The following GOPC variants were observed in gnomAD, a reference collection of about 807,000 sequenced individuals.
The protein encoded by GOPC is golgi associated PDZ and coiled-coil motif containing.
Under a neutral mutation model 51.2 loss-of-function variants are expected in GOPC, and 32 were observed. That is an observed-to-expected ratio of 0.63 (90% CI 0.47 to 0.84). The LOEUF (loss-of-function observed/expected upper bound fraction) is 0.84. Among genes scored for constraint, GOPC ranks in the 40% least tolerant of loss-of-function variants. The probability of loss-of-function intolerance (pLI) is 0.00; values close to 1 mark genes in which losing one functional copy is unlikely to be tolerated. For missense variants in GOPC, 441 were observed against 555.5 expected (o/e 0.79, Z 2.07); for synonymous variants, 190 against 205.1 (o/e 0.93, Z 0.63).
Position 117,600,463 on chromosome 6 carries a change from A to G in GOPC, c.285+1541T>C, listed in dbSNP as rs548859404. ...CACGAAATTTGGGGGACACATTCGA[A>G]TTATACCATGTGGTAAAGGCTACTC... On this transcript the variant is annotated intron_variant, in intron 1 of 8. Coordinates refer to ENST00000368498, the MANE Select transcript of GOPC (RefSeq NM_020399.4). Among the ~76,000 whole-genome samples the G allele has an allele frequency of 2.0e-5, 3 of 152,312 alleles. No individual in the cohort carries two copies. In the South Asian group the frequency reaches 6.2e-4, roughly 32 times the overall value.
chr6:117,563,626 G>A (rs1410279419), intron 8 of GOPC, among the ~76,000 whole-genome samples: 1 of 151,996 alleles, frequency 6.6e-6, no homozygotes, highest in Non-Finnish European at 1.5e-5. Flanking sequence ...GGAGACTGAG[G>A]AAGGAGAATC....
intron 5 of GOPC, 78 bp downstream of exon 5, chr6:117,573,389 A>C: frequency 6.8e-7 from 1 of 1,473,146 alleles, no homozygotes; most frequent in Non-Finnish European, 9.2e-7. Context: ...TACTAGAATA[A>C]AGGAAAGAAT....
At chr6:117,569,804 A>T in intron 6 of GOPC, 68 bp from the exon 7 acceptor site, 7 of 1,430,546 alleles carry the variant, frequency 4.9e-6, no homozygotes, top group Non-Finnish European at 6.5e-6. Flanking sequence ...TAATCTAGAG[A>T]TAAAATATTT....
chr6:117,598,071 T>C (rs949754338), intron 1 of GOPC, among the ~76,000 whole-genome samples: 7 of 151,758 alleles, frequency 4.6e-5, no homozygotes, highest in Non-Finnish European at 1.0e-4. Flanking sequence ...GCTAAAAAAA[T>C]TGATTTACCA....
chr6:117,579,209 A>G, intron 1 of GOPC, 145 bp from the exon 2 acceptor site: 1 of 641,558 alleles, frequency 1.6e-6, no homozygotes, highest in South Asian at 2.6e-5. Flanking sequence ...GATACAAGAC[A>G]TCCATCTAAA....
Position 117,602,300 on chromosome 6 carries a change from G to T in GOPC, c.-12C>A. On this transcript the variant is annotated 5_prime_UTR_variant, in exon 1 of 9. Transcript: ENST00000368498. ...CCGCCCGCCGACATGGCGCCGTCAA[G>T]GGCCTCTCCCGACTGCTGAAGACCC... The T allele has an allele frequency of 2.5e-6, 4 of 1,578,854 alleles. No homozygotes were observed. The highest frequency in any genetic ancestry group is 2.3e-5 in the East Asian group (1 of 43,582).
At chr6:117,574,526 C>T (rs1779850678) in intron 4 of GOPC, among the ~76,000 whole-genome samples, 1 of 152,028 alleles carries the variant, frequency 6.6e-6, no homozygotes, top group African/African-American at 2.4e-5. Flanking sequence ...AAAAAGAATT[C>T]CTTATGGAAG....
At chr6:117,580,246 A>G (rs551740675) in intron 1 of GOPC, among the ~76,000 whole-genome samples, 2 of 152,208 alleles carry the variant, frequency 1.3e-5, no homozygotes, top group Non-Finnish European at 2.9e-5. Flanking sequence ...CCTAGTGCAT[A>G]AAAGATGCTC....
Position 117,602,242 on chromosome 6 carries a change from C to G in GOPC, c.47G>C (p.Gly16Ala), listed in dbSNP as rs777260674. 3 of 1,601,748 alleles carry G rather than the reference C, an allele frequency of 1.9e-6. No individual in the cohort carries two copies. Among genetic ancestry groups the G allele is most frequent in the Non-Finnish European group, 2.5e-6 (3 of 1,179,582 alleles). Residue 16 changes from glycine to alanine, a missense_variant, in exon 1 of 9, where the codon GGG becomes GCG. Around this residue, in one of 3 missense-constraint regions of GOPC, gnomAD observed 204 missense variants for 219.8 expected, o/e 0.93. Coordinates refer to ENST00000368498, the MANE Select transcript of GOPC (RefSeq NM_020399.4). ...PCPAAAGGGP[G>A]GASCSVGAPG... ...GGCCCCCACGGAGCAGGAGGCGCCCCCTGGGCCCCCTCCGGCTGCTGCTGG... is the reference window on the plus strand; with the variant it reads ...GGCCCCCACGGAGCAGGAGGCGCCCGCTGGGCCCCCTCCGGCTGCTGCTGG...
At chr6:117,572,206 C>T (rs941083614) in intron 5 of GOPC, among the ~76,000 whole-genome samples, 1 of 152,148 alleles carries the variant, frequency 6.6e-6, no homozygotes, top group African/African-American at 2.4e-5. Flanking sequence ...TCCTTTTCTT[C>T]TATTTCCCTT....
At chr6:117,590,809 T>C (rs992547773) in intron 1 of GOPC, among the ~76,000 whole-genome samples, 16 of 152,112 alleles carry the variant, frequency 1.1e-4, no homozygotes, top group African/African-American at 3.1e-4. Context: ...ATCAAAATGA[T>C]TGGTATTTAA....
At chr6:117,600,680 TA>T (rs1241895772) in intron 1 of GOPC, among the ~76,000 whole-genome samples, 1 of 152,188 alleles carries the variant, frequency 6.6e-6, no homozygotes, top group Non-Finnish European at 1.5e-5. Context: ...GAAATAAAGT[TA>T]AAGTACTATT....
chr6:117,595,731 C>T (rs1036192247), intron 1 of GOPC, among the ~76,000 whole-genome samples: 1 of 152,170 alleles, frequency 6.6e-6, no homozygotes, highest in East Asian at 1.9e-4. Context: ...TATTTCATTC[C>T]TTTTTATGGC....
chr6:117,575,085 A>C (rs535420322), intron 4 of GOPC, 92 bp downstream of exon 4: 1 of 1,057,850 alleles, frequency 9.5e-7, no homozygotes, highest in African/African-American at 1.6e-5. Flanking sequence ...TCTCAAAAAA[A>C]TAAAAAATAA....
chr6:117,588,075 C>G (rs956329717), intron 1 of GOPC, among the ~76,000 whole-genome samples: 2 of 151,950 alleles, frequency 1.3e-5, no homozygotes, highest in Admixed American at 6.6e-5. Flanking sequence ...AAAAATAGGT[C>G]TCACTATGTT....
At chr6:117,565,874 T>C (rs540047409) in intron 8 of GOPC, among the ~76,000 whole-genome samples, 8 of 152,186 alleles carry the variant, frequency 5.3e-5, no homozygotes, top group Non-Finnish European at 1.2e-4. Flanking sequence ...AAATGGCTAG[T>C]TCAGTCACTT....
chr6:117,561,295 G>A lies in GOPC; in HGVS notation c.*1959C>T, dbSNP rs1779579650. On this transcript the variant is annotated 3_prime_UTR_variant, in exon 9 of 9. Coordinates refer to ENST00000368498, the MANE Select transcript of GOPC (RefSeq NM_020399.4). ...AAACCACCTCTTCATACACTTATTC[G>A]GTAGTTCTTGAAAATCAAAGGGTTA... The A allele has an allele frequency of 3.1e-5, 7 of 223,170 alleles. No individual in the cohort carries two copies. Among genetic ancestry groups the A allele is most frequent in the African/African-American group, 6.7e-5 (3 of 44,784 alleles). The allele number at this position is 223,170 out of a possible 1,614,324, so 13.8% of individuals were successfully genotyped here. A position where few individuals can be genotyped will look rare whatever the true frequency, so the allele number is the denominator to read the frequency against.
intron 1 of GOPC, among the ~76,000 whole-genome samples, chr6:117,589,813 T>A (rs1180482941): frequency 6.6e-6 from 1 of 152,154 alleles, no homozygotes; most frequent in East Asian, 1.9e-4. Context: ...ATGATCAAAC[T>A]GGAGATGGGG....
intron 1 of GOPC, among the ~76,000 whole-genome samples, chr6:117,595,135 T>G (rs1331111272): frequency 6.6e-6 from 1 of 152,220 alleles, no homozygotes; most frequent in Admixed American, 6.5e-5. Context: ...AGTTGCTTGA[T>G]AAGAATTCTC....
Sources: gnomAD v4.1 joint callset for allele counts (sites outside exome capture counted in the v4.1 genomes callset) on GRCh38, gnomAD v4.1.1 for gene constraint, gnomAD v4.1.1 regional missense constraint, MANE v1.5 for transcripts, NCBI Gene and HGNC (gene_info 2026-07-23, HGNC 2026-07-21) for gene names.